Variants in SRGAP1 observed in about 807,000 individuals in gnomAD.
SRGAP1 encodes SLIT-ROBO Rho GTPase activating protein 1, also known as SLIT-ROBO Rho GTPase-activating protein 1.
A neutral mutation model predicts 121.9 loss-of-function variants in SRGAP1; 43 were observed. The observed-to-expected ratio is 0.35, with a 90% CI of 0.28 to 0.46. The LOEUF (loss-of-function observed/expected upper bound fraction) is 0.46, where lower values mean the gene tolerates loss of function less well. Among genes scored for constraint, SRGAP1 ranks in the 20% least tolerant of loss-of-function variants. The pLI is 1.00. For missense variants in SRGAP1, 1,102 were observed against 1,350.9 expected (o/e 0.82, Z 2.89); for synonymous variants, 447 against 485.4 (o/e 0.92, Z 1.04).
At chr12:64,033,602 C>G (rs990522198) in intron 4 of SRGAP1, among the ~76,000 whole-genome samples, 64 of 152,254 alleles carry the variant, frequency 4.2e-4, no homozygotes, top group Non-Finnish European at 7.5e-4. Flanking sequence ...CCTGTTATCC[C>G]AGCTACTCTG....
chr12:63,878,815 G>C (rs1410132470), intron 1 of SRGAP1: 1 of 152,210 alleles, frequency 6.6e-6, no homozygotes, highest in East Asian at 1.9e-4. Flanking sequence ...CTAGGGATCA[G>C]TCTTCTCATC....
At chr12:64,105,168 T>G (rs1052209420) in intron 15 of SRGAP1, among the ~76,000 whole-genome samples, 3 of 152,164 alleles carry the variant, frequency 2.0e-5, no homozygotes, top group Non-Finnish European at 4.4e-5. Flanking sequence ...ATAATACTTG[T>G]TCTTTTGGTG....
chr12:63,889,781 G>T lies in SRGAP1; in HGVS notation c.67+44898G>T, dbSNP rs186213421. 5.9e-5 allele frequency among the ~76,000 whole-genome samples: 9 copies of T among 152,098 alleles called. No individual in the cohort carries two copies. In the South Asian group the frequency reaches 1.5e-3, roughly 25 times the overall value. ...AAATTAGCCGGGTGTGGTGTGAAGC[G>T]CCTGTAATCCCAGCTACTCAGGAGG... On this transcript the variant is annotated intron_variant, in intron 1 of 21. Coordinates refer to ENST00000355086, the MANE Select transcript of SRGAP1 (RefSeq NM_020762.4).
At chr12:63,856,293 T>TAAAA (rs531092243) in intron 1 of SRGAP1, among the ~76,000 whole-genome samples, 9 of 144,142 alleles carry the variant, frequency 6.2e-5, no homozygotes, top group Admixed American at 6.9e-5. Flanking sequence ...AATAAATAAA[T>TAAAA]AAAAAGATCC....
intron 1 of SRGAP1, among the ~76,000 whole-genome samples, chr12:63,872,651 C>T (rs563010019): frequency 2.2e-4 from 34 of 152,338 alleles, no homozygotes; most frequent in South Asian, 1.0e-3. Flanking sequence ...ATTCATTCAA[C>T]AAACAGCTAT....
chr12:64,077,906 A>G (rs1183104731), intron 8 of SRGAP1, among the ~76,000 whole-genome samples: 3 of 152,204 alleles, frequency 2.0e-5, no homozygotes, highest in Non-Finnish European at 4.4e-5. Context: ...CAAATCATTA[A>G]GAAAAAGACT....
chr12:64,138,614 G>A lies in SRGAP1; in HGVS notation c.2881-3681G>A, dbSNP rs139381398. ...TAGCTGGGCGTGTGCCACCACGCCTGGCTATCTGAAATAAATTGATTGATA... is the reference window on the plus strand; with the variant it reads ...TAGCTGGGCGTGTGCCACCACGCCTAGCTATCTGAAATAAATTGATTGATA... On this transcript the variant is annotated intron_variant, in intron 21 of 21. Transcript: ENST00000355086. Among the ~76,000 whole-genome samples, 1,504 of 150,838 alleles carry A rather than the reference G, an allele frequency of 1.0e-2. 23 individuals are homozygous for A. Among genetic ancestry groups the A allele is most frequent in the African/African-American group, 0.034 (1,410 of 41,148 alleles).
chr12:63,885,878 A>C (rs1008895439), intron 1 of SRGAP1, among the ~76,000 whole-genome samples: 1 of 152,196 alleles, frequency 6.6e-6, no homozygotes, highest in South Asian at 2.1e-4. Context: ...ACAGAGACCA[A>C]CTTTCACTTT....
chr12:64,066,398 A>T (rs911659478), intron 8 of SRGAP1, among the ~76,000 whole-genome samples: 3 of 152,234 alleles, frequency 2.0e-5, no homozygotes, highest in African/African-American at 7.2e-5. Context: ...TGTGCAGCTC[A>T]TAGAACTCTT....
rs576775792 is a variant in SRGAP1 at position 64,049,935 on chromosome 12, A to G, written c.801+6360A>G. Reference sequence around the variant, plus strand: ...TTATTCTATTTCTGTAAAGAGTATTATTGGTATTTCATAGAGATTGCATTG... The same window carrying G: ...TTATTCTATTTCTGTAAAGAGTATTGTTGGTATTTCATAGAGATTGCATTG... On this transcript the variant is annotated intron_variant, in intron 6 of 21. Coordinates refer to ENST00000355086, the MANE Select transcript of SRGAP1 (RefSeq NM_020762.4). Among the ~76,000 whole-genome samples, 284 of 152,248 alleles carry G rather than the reference A, an allele frequency of 1.9e-3. 1 individual carries two copies. Among genetic ancestry groups the G allele is most frequent in the Admixed American group, 5.0e-3 (77 of 15,274 alleles).
chr12:63,892,683 A>C (rs1049969455), intron 1 of SRGAP1, among the ~76,000 whole-genome samples: 1 of 152,136 alleles, frequency 6.6e-6, no homozygotes, highest in Admixed American at 6.6e-5. Flanking sequence ...CTGTCTTTGA[A>C]TCCTGTCTCC....
chr12:63,866,346 T>A (rs1431936757), intron 1 of SRGAP1, among the ~76,000 whole-genome samples: 1 of 152,252 alleles, frequency 6.6e-6, no homozygotes, highest in African/African-American at 2.4e-5. Context: ...CCAAATGTGT[T>A]GTTGATATTG....
At chr12:63,992,807 C>G (rs1363426596) in intron 3 of SRGAP1, among the ~76,000 whole-genome samples, 1 of 152,114 alleles carries the variant, frequency 6.6e-6, no homozygotes, top group East Asian at 1.9e-4. Flanking sequence ...TTTTCTGGTT[C>G]TCAAAGAATT....
Position 63,934,898 on chromosome 12 carries a change from G to A in SRGAP1, c.68-49049G>A, listed in dbSNP as rs140474484. ...CCAGTAACTATTTTAATCTAAACTC[G>A]TGTGTTTCAATGTAGACATGTTTGT... On this transcript the variant is annotated intron_variant, in intron 1 of 21. Coordinates refer to ENST00000355086, the MANE Select transcript of SRGAP1 (RefSeq NM_020762.4). Among the ~76,000 whole-genome samples the A allele has an allele frequency of 2.7e-3, 407 of 152,122 alleles. 1 individual carries two copies. Among genetic ancestry groups the A allele is most frequent in the Admixed American group, 4.6e-3 (70 of 15,272 alleles).
intron 15 of SRGAP1, among the ~76,000 whole-genome samples, chr12:64,098,683 A>AT (rs34985792): frequency 0.01 from 1,481 of 144,906 alleles, 26 homozygotes; most frequent in African/African-American, 0.04. Flanking sequence ...AAAAAATAAA[A>AT]AAATAAAAAA....
intron 1 of SRGAP1, among the ~76,000 whole-genome samples, chr12:63,892,003 A>T (rs1190516470): frequency 6.6e-6 from 1 of 151,832 alleles, no homozygotes; most frequent in Non-Finnish European, 1.5e-5. Flanking sequence ...AAAAAAAGAA[A>T]AAAAGAAAAA....
At chr12:63,870,169 A>AT (rs1239841787) in intron 1 of SRGAP1, among the ~76,000 whole-genome samples, 2 of 152,064 alleles carry the variant, frequency 1.3e-5, no homozygotes, top group Non-Finnish European at 2.9e-5. Flanking sequence ...AAAAGTCTGT[A>AT]TTTTTTTGTT....
chr12:64,147,800 G>A lies in SRGAP1; in HGVS notation c.*5128G>A, dbSNP rs541304014. 4.0e-5 allele frequency: 16 copies of A among 397,166 alleles called. No homozygotes were observed. The highest frequency in any genetic ancestry group is 3.6e-4 in the East Asian group (10 of 28,030). The allele number at this position is 397,166 out of a possible 1,614,324, so 24.6% of individuals were successfully genotyped here. On this transcript the variant is annotated 3_prime_UTR_variant, in exon 22 of 22. Transcript: ENST00000355086. ...GTATACAGTCAGGTTTGTTCTTCACGGTGTATCTTTATAATAAATAAGATA... is the reference window on the plus strand; with the variant it reads ...GTATACAGTCAGGTTTGTTCTTCACAGTGTATCTTTATAATAAATAAGATA...
intron 21 of SRGAP1, among the ~76,000 whole-genome samples, chr12:64,138,288 G>A (rs1262103278): frequency 6.6e-5 from 10 of 151,808 alleles, no homozygotes; most frequent in African/African-American, 1.2e-4. Context: ...TGTAGCATGC[G>A]GTAGGACTTA....
Sources: allele counts gnomAD v4.1 joint callset (sites outside exome capture counted in the v4.1 genomes callset), GRCh38; gene constraint gnomAD v4.1.1; transcripts MANE v1.5; gene names NCBI Gene and HGNC (gene_info 2026-07-23, HGNC 2026-07-21).